Variants in ARHGEF10L observed in about 807,000 individuals in gnomAD.
ARHGEF10L encodes Rho guanine nucleotide exchange factor 10 like.
In ARHGEF10L, 69 loss-of-function variants were observed where a neutral mutation model predicts 141.2. That is an observed-to-expected ratio of 0.49 (90% CI 0.40 to 0.60). ARHGEF10L has a LOEUF of 0.60. Among genes scored for constraint, ARHGEF10L ranks in the 20% least tolerant of loss-of-function variants. The pLI is 0.00. For synonymous variants in ARHGEF10L, 711 were observed against 718.5 expected (o/e 0.99, Z 0.17); for missense variants, 1,482 against 1,734.3 (o/e 0.85, Z 2.58).
chr1:17,600,382 C>T (rs551677109), intron 4 of ARHGEF10L, among the ~76,000 whole-genome samples: 1 of 152,330 alleles, frequency 6.6e-6, no homozygotes, highest in South Asian at 2.1e-4. Context: ...TCTAGGTTGG[C>T]ATAAGTGGTC....
intron 27 of ARHGEF10L, among the ~76,000 whole-genome samples, chr1:17,690,270 A>T (rs914500059): frequency 3.3e-5 from 5 of 152,162 alleles, no homozygotes; most frequent in Non-Finnish European, 5.9e-5. Flanking sequence ...TGGAGCCAGA[A>T]TTCCTCCTGG....
intron 1 of ARHGEF10L, among the ~76,000 whole-genome samples, chr1:17,546,859 G>A (rs1351176245): frequency 1.3e-5 from 2 of 152,168 alleles, no homozygotes; most frequent in Admixed American, 1.3e-4. Flanking sequence ...ATTGCAGAGT[G>A]GCAGGCACCT....
At chr1:17,688,643 T>C (rs1343879801) in intron 27 of ARHGEF10L, among the ~76,000 whole-genome samples, 1 of 152,088 alleles carries the variant, frequency 6.6e-6, no homozygotes, top group Non-Finnish European at 1.5e-5. Flanking sequence ...GTGTGGCAGG[T>C]GGGGGCCTGG....
At chr1:17,562,218 C>T (rs1452405110) in intron 1 of ARHGEF10L, among the ~76,000 whole-genome samples, 1 of 152,136 alleles carries the variant, frequency 6.6e-6, no homozygotes, top group Non-Finnish European at 1.5e-5. Context: ...ACTTGGAGAC[C>T]AGCCTGGGCA....
chr1:17,589,641 G>T (rs1208874222), intron 4 of ARHGEF10L, among the ~76,000 whole-genome samples: 1 of 152,210 alleles, frequency 6.6e-6, no homozygotes, highest in East Asian at 1.9e-4. Flanking sequence ...TTGCTACTAT[G>T]TAATTAAGGT....
chr1:17,602,785 A>G (rs2100951974), intron 5 of ARHGEF10L, among the ~76,000 whole-genome samples: 1 of 152,310 alleles, frequency 6.6e-6, no homozygotes, highest in Middle Eastern at 3.4e-3. Context: ...AGGAAGCCAC[A>G]GAAGGAAGGC....
chr1:17,633,017 G>A (rs2060792114), intron 16 of ARHGEF10L, among the ~76,000 whole-genome samples: 1 of 152,222 alleles, frequency 6.6e-6, no homozygotes, highest in Non-Finnish European at 1.5e-5. Context: ...TGAGGCTTTA[G>A]GCCAGAGCCT....
chr1:17,692,296 A>G (rs2065162638), intron 27 of ARHGEF10L, among the ~76,000 whole-genome samples: 1 of 151,928 alleles, frequency 6.6e-6, no homozygotes, highest in Non-Finnish European at 1.5e-5. Context: ...GGACGCTATG[A>G]ATGTGATTTT....
chr1:17,558,831 A>T lies in ARHGEF10L; in HGVS notation c.-44+18881A>T, dbSNP rs775453802. ...CTCTGTGGGGCCACAGATAGGGTCC[A>T]GGCAGGGGACAACACTGTGCCACAG... is the stretch of plus-strand genomic sequence containing the variant. On this transcript the variant is annotated intron_variant, in intron 1 of 28. Coordinates refer to ENST00000361221, the MANE Select transcript of ARHGEF10L (RefSeq NM_018125.4). This position sits in a 1 kb window ranked among gnomAD's most constrained non-coding sequence, Gnocchi z 4.2. Among the ~76,000 whole-genome samples the T allele has an allele frequency of 5.9e-5, 9 of 152,196 alleles. No homozygotes were observed. The highest frequency in any genetic ancestry group is 1.3e-4 in the Non-Finnish European group (9 of 68,028).
rs572708645 is a variant in ARHGEF10L at position 17,651,928 on chromosome 1, G to A, written c.2395-2708G>A. 3.9e-5 allele frequency among the ~76,000 whole-genome samples: 6 copies of A among 152,278 alleles called. No homozygotes were observed. The East Asian group carries it at 1.2e-3, about 29-fold the overall frequency. On this transcript the variant is annotated intron_variant, in intron 22 of 28. Transcript: ENST00000361221. ...TCCAGACAAATGTGCCCCATCAGCT[G>A]TGTGCTGGCAGCCTGATGAAATAGG... is the stretch of plus-strand genomic sequence containing the variant.
intron 2 of ARHGEF10L, 130 bp downstream of exon 2, chr1:17,580,762 G>T (rs958692648): frequency 7.5e-6 from 8 of 1,063,020 alleles, no homozygotes; most frequent in Non-Finnish European, 1.1e-5. Context: ...TGCTGGCCCT[G>T]CCTGGGCCGC....
At chr1:17,608,425 T>C (rs1233961386) in intron 7 of ARHGEF10L, among the ~76,000 whole-genome samples, 1 of 152,232 alleles carries the variant, frequency 6.6e-6, no homozygotes, top group Non-Finnish European at 1.5e-5. Flanking sequence ...CGCGCAGTCC[T>C]CTCTGCTCTG....
In ARHGEF10L at chr1:17,615,404, A is replaced by C. The variant is rs1024845047; in HGVS notation, c.727-690A>C. 1 of 152,140 alleles carries C rather than the reference A, an allele frequency of 6.6e-6. No homozygotes were observed. The highest frequency in any genetic ancestry group is 2.4e-5 in the African/African-American group (1 of 41,418). The allele number at this position is 152,140 out of a possible 1,614,324, so 9.4% of individuals were successfully genotyped here. A position where few individuals can be genotyped will look rare whatever the true frequency, so the allele number is the denominator to read the frequency against. ...TGCTTAGCTTGCTACGCTCGTGTCC[A>C]TGGATCCCCTCCCCACTGCCAGAGG... is the stretch of plus-strand genomic sequence containing the variant. On this transcript the variant is annotated intron_variant, in intron 8 of 28. Coordinates refer to ENST00000361221, the MANE Select transcript of ARHGEF10L (RefSeq NM_018125.4). This position sits in a 1 kb window ranked among gnomAD's most constrained non-coding sequence, Gnocchi z 4.7.
chr1:17,517,512 C>T, the ARHGEF10L span, among the ~76,000 whole-genome samples: 1 of 151,442 alleles, frequency 6.6e-6, no homozygotes, highest in Non-Finnish European at 1.5e-5. Flanking sequence ...AGAGTTTCGC[C>T]ATGTTGCCCA....
At position 17,593,804 on chromosome 1, in the gene ARHGEF10L, A is replaced by G. The variant is rs548815036; in HGVS notation, c.257+5325A>G. Among the ~76,000 whole-genome samples, 7 of 152,138 alleles carry G rather than the reference A, an allele frequency of 4.6e-5. 1 individual carries two copies. The South Asian group carries it at 1.5e-3, about 32-fold the overall frequency. On this transcript the variant is annotated intron_variant, in intron 4 of 28. Coordinates refer to ENST00000361221, the MANE Select transcript of ARHGEF10L (RefSeq NM_018125.4). ...GTTACAGCAGCCATAGGAAACTAAC[A>G]CGACAGCCCTGGAAAGAGGAAATTA...
chr1:17,524,950 C>T, the ARHGEF10L span, among the ~76,000 whole-genome samples: 1 of 152,212 alleles, frequency 6.6e-6, no homozygotes, highest in Non-Finnish European at 1.5e-5. Context: ...TCCTCTTCTC[C>T]CCTGCTCAGG....
At chr1:17,567,560 G>T (rs910527463) in intron 1 of ARHGEF10L, among the ~76,000 whole-genome samples, 4 of 152,166 alleles carry the variant, frequency 2.6e-5, no homozygotes, top group African/African-American at 2.4e-5. Context: ...TAGAGACAGG[G>T]TTTTACCATG....
In ARHGEF10L at chr1:17,697,634, A is replaced by C; in HGVS notation, c.*254A>C. On this transcript the variant is annotated 3_prime_UTR_variant, in exon 29 of 29. Coordinates refer to ENST00000361221, the MANE Select transcript of ARHGEF10L (RefSeq NM_018125.4). The surrounding 1 kb of genome is among the most constrained non-coding windows in gnomAD (Gnocchi z 4.8). ...TCTTTTTAAAAGCAAAAAACACAAA[A>C]CCTCACAACTGCCTGGCAAGCCCAG... 3.2e-6 allele frequency: 2 copies of C among 621,842 alleles called. No homozygotes were observed. Among genetic ancestry groups the C allele is most frequent in the Non-Finnish European group, 6.0e-6 (2 of 335,838 alleles). The allele number at this position is 621,842 out of a possible 1,614,324, so 38.5% of individuals were successfully genotyped here. A position where few individuals can be genotyped will look rare whatever the true frequency, so the allele number is the denominator to read the frequency against.
intron 26 of ARHGEF10L, among the ~76,000 whole-genome samples, chr1:17,672,533 C>T (rs2063391247): frequency 6.6e-6 from 1 of 152,196 alleles, no homozygotes; most frequent in African/African-American, 2.4e-5. Flanking sequence ...CGTCCTATCA[C>T]TGCATGGAGT....
Sources: gnomAD v4.1 joint callset for allele counts (sites outside exome capture counted in the v4.1 genomes callset) on GRCh38, gnomAD v4.1.1 for gene constraint, Gnocchi (gnomAD v3.1) non-coding constraint, MANE v1.5 for transcripts, NCBI Gene and HGNC (gene_info 2026-07-23, HGNC 2026-07-21) for gene names.